Variants in PPP1R3B observed in about 807,000 individuals in gnomAD.
The protein encoded by PPP1R3B is PP1 subunit R4.
A neutral mutation model predicts 14.6 loss-of-function variants in PPP1R3B; 8 were observed. That is an observed-to-expected ratio of 0.55 (90% CI 0.32 to 0.99). PPP1R3B has a LOEUF of 0.99. PPP1R3B is among the 50% of genes least tolerant of loss of function. PPP1R3B has a pLI of 0.04. For missense variants in PPP1R3B, 452 were observed against 360.1 expected (o/e 1.26, Z -2.07); for synonymous variants, 169 against 142.0 (o/e 1.19, Z -1.35).
chr8:9,147,383 C>T (rs568640670), intron 1 of PPP1R3B, among the ~76,000 whole-genome samples: 49 of 152,242 alleles, frequency 3.2e-4, no homozygotes, highest in African/African-American at 1.2e-3. Context: ...CCTGAAAAAT[C>T]TGGGTGTGAA....
intron 1 of PPP1R3B, among the ~76,000 whole-genome samples, chr8:9,146,656 G>A (rs1270550539): frequency 6.6e-6 from 1 of 152,128 alleles, no homozygotes; most frequent in Non-Finnish European, 1.5e-5. Flanking sequence ...CCAGAATGCA[G>A]GTGCTTAAAC....
chr8:9,140,827 GT>G lies in PPP1R3B; in HGVS notation c.824del (p.Tyr275SerfsTer2). The G allele has an allele frequency of 6.2e-7, 1 of 1,614,086 alleles. No individual in the cohort carries two copies. The highest frequency in any genetic ancestry group is 8.5e-7 in the Non-Finnish European group (1 of 1,180,032). The part of the protein sequence containing the change: ...SYGLFPEWPS[Y>X]LGYEKLGPYY Reference sequence around the variant, plus strand: ...AGGGCCCTAGCTTTTCATATCCTAAGTAACTTGGCCACTCTGGAAACAGACC... The same window carrying G: ...AGGGCCCTAGCTTTTCATATCCTAAGAACTTGGCCACTCTGGAAACAGACC... On this transcript the variant is annotated frameshift_variant, in exon 2 of 2. Transcript: ENST00000310455. LOFTEE classifies it high-confidence loss of function.
chr8:9,142,170 C>T (rs553652593), intron 1 of PPP1R3B: 1 of 154,968 alleles, frequency 6.5e-6, no homozygotes, highest in African/African-American at 2.4e-5. Context: ...GAGCACAGCT[C>T]ACTGCAGCCT....
intron 1 of PPP1R3B, among the ~76,000 whole-genome samples, chr8:9,144,333 A>G (rs915724374): frequency 6.6e-6 from 1 of 151,664 alleles, no homozygotes; most frequent in Non-Finnish European, 1.5e-5. Context: ...GACCACAGGC[A>G]TGAGCCACCA....
Position 9,144,382 on chromosome 8 carries a change from C to T in PPP1R3B, c.-17-2714G>A, listed in dbSNP as rs570169939. Reference sequence around the variant, plus strand: ...TTTAAAAAATATTTTTTTGTAGAGACGAGGTCTCACTATGTTGCTCAGACC... The same window carrying T: ...TTTAAAAAATATTTTTTTGTAGAGATGAGGTCTCACTATGTTGCTCAGACC... On this transcript the variant is annotated intron_variant, in intron 1 of 1. Coordinates refer to ENST00000310455, the MANE Select transcript of PPP1R3B (RefSeq NM_024607.4). Among the ~76,000 whole-genome samples the T allele has an allele frequency of 3.2e-4, 48 of 151,690 alleles. 1 individual carries two copies. The South Asian group carries it at 5.8e-3, about 18-fold the overall frequency.
At chr8:9,145,852 C>T (rs1801225447) in intron 1 of PPP1R3B, among the ~76,000 whole-genome samples, 1 of 151,450 alleles carries the variant, frequency 6.6e-6, no homozygotes, top group African/African-American at 2.4e-5. Flanking sequence ...CATCCCATCA[C>T]TACTGCCTCA....
Position 9,140,550 on chromosome 8 carries a change from G to T in PPP1R3B, c.*244C>A. On this transcript the variant is annotated 3_prime_UTR_variant, in exon 2 of 2. Transcript: ENST00000310455. The stretch of plus-strand genomic sequence containing the variant: ...CCAGCACAGACGTGCACAGACTCTC[G>T]TGGCTGCCACAGTGCGAAAGCGCGC... The T allele has an allele frequency of 1.8e-6, 1 of 559,720 alleles. No homozygotes were observed. The highest frequency in any genetic ancestry group is 2.1e-5 in the South Asian group (1 of 46,770). The allele number at this position is 559,720 out of a possible 1,614,324, so 34.7% of individuals were successfully genotyped here.
Position 9,141,178 on chromosome 8 carries a change from C to T in PPP1R3B, c.474G>A (p.Lys158=), listed in dbSNP as rs755367156. ...TVKVQNLAFE[K]TVKIRMTFDT... ...CGAACGTCATCCTTATTTTCACGGT[C>T]TTCTCAAATGCGAGGTTCTGAACCT... Residue 158 remains lysine, a synonymous_variant, in exon 2 of 2, where the codon AAG becomes AAA. Coordinates refer to ENST00000310455, the MANE Select transcript of PPP1R3B (RefSeq NM_024607.4). 11 of 1,614,082 alleles carry T rather than the reference C, an allele frequency of 6.8e-6. No homozygotes were observed. The highest frequency in any genetic ancestry group is 9.3e-6 in the Non-Finnish European group (11 of 1,180,052).
At chr8:9,150,524 A>C (rs914055762) in intron 1 of PPP1R3B, 39 bp downstream of exon 1, 1 of 151,942 alleles carries the variant, frequency 6.6e-6, no homozygotes, top group African/African-American at 2.4e-5. Flanking sequence ...TCCGCCCCCA[A>C]CCTCCCTACA....
chr8:9,146,116 G>A (rs953200509), intron 1 of PPP1R3B, among the ~76,000 whole-genome samples: 6 of 152,176 alleles, frequency 3.9e-5, no homozygotes, highest in South Asian at 2.1e-4. Context: ...CAATCCTCCC[G>A]CTTCAGCCTC....
Position 9,138,662 on chromosome 8 carries a change from T to C in PPP1R3B, c.*2132A>G, listed in dbSNP as rs1423099680. The C allele has an allele frequency of 1.3e-5, 2 of 152,208 alleles. No homozygotes were observed. The highest frequency in any genetic ancestry group is 1.5e-5 in the Non-Finnish European group (1 of 68,040). The allele number at this position is 152,208 out of a possible 1,614,324, so 9.4% of individuals were successfully genotyped here. On this transcript the variant is annotated 3_prime_UTR_variant, in exon 2 of 2. Transcript: ENST00000310455. ...CTCTTAGCTTGAAAAGCCTGACAAC[T>C]CTGCCTCCAAATCCAGGCAACTGTG... is the stretch of plus-strand genomic sequence containing the variant.
In PPP1R3B at chr8:9,141,389, A is replaced by C. The variant is rs372245421; in HGVS notation, c.263T>G (p.Met88Arg). ...TAGGAGCTCGGTGATGTTGAATGGC[A>C]TATCTAGCGGGTCATCGAATTCCGA... ...VFSEFDDPLD[M>R]PFNITELLDN... is the part of the protein sequence containing the mutation. Residue 88 changes from methionine to arginine, a missense_variant, in exon 2 of 2, where the codon ATG becomes AGG. Transcript: ENST00000310455. The C allele has an allele frequency of 9.3e-6, 15 of 1,614,178 alleles. No homozygotes were observed. Among genetic ancestry groups the C allele is most frequent in the Non-Finnish European group, 1.3e-5 (15 of 1,180,026 alleles).
intron 1 of PPP1R3B, among the ~76,000 whole-genome samples, chr8:9,150,274 C>T (rs1801379608): frequency 6.6e-6 from 1 of 152,224 alleles, no homozygotes; most frequent in Non-Finnish European, 1.5e-5. Flanking sequence ...TCCAAGTTCC[C>T]AAGTCCAGTC....
intron 1 of PPP1R3B, among the ~76,000 whole-genome samples, chr8:9,142,602 A>C (rs1801123460): frequency 6.6e-6 from 1 of 152,012 alleles, no homozygotes; most frequent in African/African-American, 2.4e-5. Context: ...TGTACATCAG[A>C]TCTCTTGAAT....
In PPP1R3B at chr8:9,136,478, G is replaced by A. The variant is rs1437335756; in HGVS notation, c.*4316C>T. ...GTTCTACATTCACACTGAAGTAATA[G>A]TGAAACATCATCACAGCTGCACTCT... On this transcript the variant is annotated 3_prime_UTR_variant, in exon 2 of 2. Transcript: ENST00000310455. 6.6e-6 allele frequency: 1 copy of A among 152,204 alleles called. No homozygotes were observed. The highest frequency in any genetic ancestry group is 1.5e-5 in the Non-Finnish European group (1 of 68,046). The allele number at this position is 152,204 out of a possible 1,614,324, so 9.4% of individuals were successfully genotyped here. A position where few individuals can be genotyped will look rare whatever the true frequency, so the allele number is the denominator to read the frequency against.
chr8:9,141,848 A>G (rs1801102353), intron 1 of PPP1R3B, 180 bp from the exon 2 acceptor site: 1 of 171,728 alleles, frequency 5.8e-6, no homozygotes, highest in East Asian at 1.2e-4. Context: ...TTGAGAGAAG[A>G]TTATGTTGTG....
intron 1 of PPP1R3B, chr8:9,145,118 T>A (rs898598152): frequency 3.3e-5 from 5 of 150,728 alleles, no homozygotes; most frequent in East Asian, 1.9e-4. Context: ...GAAAAAAAAA[T>A]ATTATATATT....
intron 1 of PPP1R3B, among the ~76,000 whole-genome samples, chr8:9,143,196 C>G (rs1346522065): frequency 1.3e-5 from 2 of 152,156 alleles, no homozygotes; most frequent in Non-Finnish European, 2.9e-5. Context: ...TTGAAAATAG[C>G]CATCCTAACG....
chr8:9,145,729 G>A (rs1563127807), intron 1 of PPP1R3B, among the ~76,000 whole-genome samples: 1 of 152,176 alleles, frequency 6.6e-6, no homozygotes. Flanking sequence ...AAGATTTCAG[G>A]AATTTCTGGT....
Sources: allele counts gnomAD v4.1 joint callset (sites outside exome capture counted in the v4.1 genomes callset), GRCh38; gene constraint gnomAD v4.1.1; transcripts MANE v1.5; gene names NCBI Gene and HGNC (gene_info 2026-07-23, HGNC 2026-07-21).